PEPD: variants seen among roughly 807,000 people sequenced by gnomAD.
PEPD encodes the protein xaa-Pro dipeptidase.
Under a neutral mutation model 60.7 loss-of-function variants are expected in PEPD, and 53 were observed. The observed-to-expected ratio is 0.87, with a 90% CI of 0.70 to 1.10. PEPD has a LOEUF of 1.10. Ranked by LOEUF, PEPD falls within the 50% of genes least tolerant of loss-of-function variation. PEPD has a pLI of 0.00. For synonymous variants in PEPD, 267 were observed against 284.1 expected (o/e 0.94, Z 0.60); for missense variants, 711 against 711.9 (o/e 1.00, Z 0.01).
chr19:33,482,772 CT>C (rs1300697543), intron 6 of PEPD, among the ~76,000 whole-genome samples: 4 of 152,174 alleles, frequency 2.6e-5, no homozygotes, highest in Non-Finnish European at 5.9e-5. Flanking sequence ...TGTCCACCAA[CT>C]GATGAATGGA....
chr19:33,411,458 C>A (rs1248879107), intron 11 of PEPD, among the ~76,000 whole-genome samples: 2 of 152,222 alleles, frequency 1.3e-5, no homozygotes, highest in African/African-American at 2.4e-5. Context: ...CCCTCTCTCT[C>A]AGTGCTCCCT....
intron 7 of PEPD, among the ~76,000 whole-genome samples, chr19:33,468,895 C>G (rs2145282218): frequency 6.6e-6 from 1 of 152,260 alleles, no homozygotes; most frequent in South Asian, 2.1e-4. Context: ...TTATCTGGGA[C>G]CAGGCACTTG....
chr19:33,463,344 T>C (rs192978495), intron 8 of PEPD, among the ~76,000 whole-genome samples: 24 of 152,330 alleles, frequency 1.6e-4, no homozygotes, highest in Admixed American at 7.2e-4. Context: ...CACGAGGTGC[T>C]TGGTGAATAC....
chr19:33,403,324 C>T (rs1403460989), intron 11 of PEPD, among the ~76,000 whole-genome samples: 1 of 152,348 alleles, frequency 6.6e-6, no homozygotes, highest in African/African-American at 2.4e-5. Flanking sequence ...GAGCCCACCA[C>T]GTCTGCAGGG....
chr19:33,460,774 C>T (rs1398480951), intron 9 of PEPD, among the ~76,000 whole-genome samples: 3 of 152,182 alleles, frequency 2.0e-5, no homozygotes, highest in Admixed American at 2.0e-4. Flanking sequence ...CTGCTCCTGG[C>T]TGAGAGCTTC....
intron 4 of PEPD, among the ~76,000 whole-genome samples, chr19:33,497,086 A>C (rs1178756918): frequency 6.6e-6 from 1 of 152,242 alleles, no homozygotes; most frequent in East Asian, 1.9e-4. Flanking sequence ...TTACAATTTC[A>C]AATTTGTTTC....
chr19:33,456,122 A>C (rs1055047864), intron 9 of PEPD, among the ~76,000 whole-genome samples: 2 of 152,112 alleles, frequency 1.3e-5, no homozygotes, highest in Non-Finnish European at 2.9e-5. Flanking sequence ...TCCCTGCTTT[A>C]AGCCACAGGG....
intron 13 of PEPD, chr19:33,389,059 G>A (rs1484215921): frequency 1.3e-5 from 2 of 152,426 alleles, no homozygotes; most frequent in African/African-American, 4.8e-5. Flanking sequence ...TGGAGCGGGA[G>A]CTGTCATTTC....
At chr19:33,496,681 A>C (rs1240060482) in intron 4 of PEPD, among the ~76,000 whole-genome samples, 1 of 150,842 alleles carries the variant, frequency 6.6e-6, no homozygotes, top group Non-Finnish European at 1.5e-5. Context: ...GACCTCTCAC[A>C]CCCTGCGCTG....
intron 2 of PEPD, 29 bp downstream of exon 2, chr19:33,512,564 C>G (rs887571893): frequency 6.2e-7 from 1 of 1,607,920 alleles, no homozygotes. Context: ...CACACACCTG[C>G]TCACTTGTGG....
At chr19:33,515,912 T>C (rs1428014230) in intron 1 of PEPD, among the ~76,000 whole-genome samples, 2 of 151,974 alleles carry the variant, frequency 1.3e-5, no homozygotes, top group Non-Finnish European at 2.9e-5. Flanking sequence ...GAGAGACAAA[T>C]TTCTCAGGGC....
At chr19:33,491,222 A>G (rs1374911202) in intron 5 of PEPD, among the ~76,000 whole-genome samples, 1 of 152,048 alleles carries the variant, frequency 6.6e-6, no homozygotes, top group Non-Finnish European at 1.5e-5. Context: ...TGGGAGGCCG[A>G]GGTGGGCAGA....
chr19:33,501,180 G>C (rs1970705663), intron 3 of PEPD, among the ~76,000 whole-genome samples, 179 bp from the exon 4 acceptor site: 1 of 152,100 alleles, frequency 6.6e-6, no homozygotes, highest in Non-Finnish European at 1.5e-5. Flanking sequence ...GAGGGCAAAG[G>C]CCATTAGGCC....
chr19:33,424,655 T>A (rs976186676), intron 9 of PEPD, among the ~76,000 whole-genome samples: 2 of 151,882 alleles, frequency 1.3e-5, no homozygotes, highest in South Asian at 4.2e-4. Context: ...GCCTGGACAA[T>A]CTAGTGAGAC....
chr19:33,419,953 A>C (rs1968977385), intron 9 of PEPD, among the ~76,000 whole-genome samples: 1 of 152,230 alleles, frequency 6.6e-6, no homozygotes, highest in Non-Finnish European at 1.5e-5. Context: ...TCACAGCAGG[A>C]GGAAGAGACA....
chr19:33,400,741 C>T (rs1007590502), intron 12 of PEPD, among the ~76,000 whole-genome samples: 9 of 152,224 alleles, frequency 5.9e-5, no homozygotes, highest in African/African-American at 1.7e-4. Context: ...AAGACCACAT[C>T]CCTCAATTCT....
At chr19:33,458,966 C>T (rs933179843) in intron 9 of PEPD, among the ~76,000 whole-genome samples, 1 of 140,938 alleles carries the variant, frequency 7.1e-6, no homozygotes, top group African/African-American at 2.6e-5. Flanking sequence ...GGGCGCTGGG[C>T]ACACAGAATC....
At chr19:33,392,445 C>T (rs757790119) in intron 12 of PEPD, among the ~76,000 whole-genome samples, 8 of 152,320 alleles carry the variant, frequency 5.3e-5, no homozygotes, top group Admixed American at 5.2e-4. Context: ...GATAAGGACT[C>T]GAGGCCGGTG....
chr19:33,488,663 G>C (rs1970441162), intron 6 of PEPD, among the ~76,000 whole-genome samples: 1 of 152,168 alleles, frequency 6.6e-6, no homozygotes, highest in Non-Finnish European at 1.5e-5. Flanking sequence ...TCTGTGCAGT[G>C]AAAAAGCAAA....
Sources: allele counts gnomAD v4.1 joint callset (sites outside exome capture counted in the v4.1 genomes callset), GRCh38; gene constraint gnomAD v4.1.1; transcripts MANE v1.5; gene names NCBI Gene and HGNC (gene_info 2026-07-23, HGNC 2026-07-21).